PTRH2: variants seen among roughly 807,000 people sequenced by gnomAD.
PTRH2 encodes the protein peptidyl-tRNA hydrolase 2, also known as peptidyl-tRNA hydrolase 2, mitochondrial.
A neutral mutation model predicts 12.3 loss-of-function variants in PTRH2; 10 were observed. That is an observed-to-expected ratio of 0.81 (90% confidence interval 0.50 to 1.38). PTRH2 has a LOEUF of 1.38. PTRH2 is among the 40% of genes most tolerant of loss of function. The pLI is 0.00. For missense variants in PTRH2, 176 were observed against 214.1 expected (o/e 0.82, Z 1.11); for synonymous variants, 73 against 77.4 (o/e 0.94, Z 0.30).
rs2033460989 is a variant in PTRH2 at position 59,697,540 on chromosome 17, C to G, written c.439G>C (p.Gly147Arg). 1 of 1,614,048 alleles carries G rather than the reference C, an allele frequency of 6.2e-7. No homozygotes were observed. The highest frequency in any genetic ancestry group is 8.5e-7 in the Non-Finnish European group (1 of 1,180,040). ...GLTVSLIQDA[G>R]RTQIAPGSQT... ...GAGCCTGGTGCAATCTGAGTACGTC[C>G]AGCATCTTGAATTAAACTTACAGTC... is the stretch of plus-strand genomic sequence containing the variant. The change falls in exon 2 of 2, where the codon GGA (glycine) becomes CGA (arginine). Residue 147 changes from glycine (G) to arginine (R), a missense_variant. Gly to Arg is a moderately radical substitution (Grantham distance 125, BLOSUM62 -2). Transcript: ENST00000393038.
rs748679121 is a variant in PTRH2 at position 59,697,822 on chromosome 17, C to T, written c.157G>A (p.Glu53Lys). The change falls in exon 2 of 2, where the codon GAA becomes AAA. Residue 53 changes from glutamate (E) to lysine (K), a missense_variant. By Grantham distance (56) the Glu-to-Lys change is moderately conservative. Transcript: ENST00000393038. ...SKTSKTHTDT[E>K]SEASILGDSG... is the part of the protein sequence containing the mutation. ...TCTCCCAAGATGCTTGCTTCACTTTCAGTATCTGTGTGTGTCTTGCTCGTC... is the reference window on the plus strand; with the variant it reads ...TCTCCCAAGATGCTTGCTTCACTTTTAGTATCTGTGTGTGTCTTGCTCGTC... 1 of 1,614,188 alleles carries T rather than the reference C, an allele frequency of 6.2e-7. No homozygotes were observed. Among genetic ancestry groups the T allele is most frequent in the Non-Finnish European group, 8.5e-7 (1 of 1,180,036 alleles).
intron 1 of PTRH2, among the ~76,000 whole-genome samples, chr17:59,705,746 CA>C (rs1260452714): frequency 6.6e-6 from 1 of 151,992 alleles, no homozygotes; most frequent in East Asian, 1.9e-4. Context: ...CTCATCTTTA[CA>C]AAAAATTTAA....
At chr17:59,705,504 CA>C (rs1314608381) in intron 1 of PTRH2, among the ~76,000 whole-genome samples, 5 of 152,142 alleles carry the variant, frequency 3.3e-5, no homozygotes, top group African/African-American at 1.2e-4. Flanking sequence ...GCTACAGCCT[CA>C]AACTCCTGGG....
intron 1 of PTRH2, among the ~76,000 whole-genome samples, chr17:59,706,909 G>A (rs2033685578): frequency 6.6e-6 from 1 of 152,026 alleles, no homozygotes. Context: ...CTGACCTCAG[G>A]TGATCCGCCC....
chr17:59,706,798 C>G (rs530246467), intron 1 of PTRH2, among the ~76,000 whole-genome samples: 3 of 151,912 alleles, frequency 2.0e-5, no homozygotes, highest in African/African-American at 4.8e-5. Context: ...CTCAGCCTCC[C>G]GAGTAGCTGG....
At chr17:59,698,421 C>T (rs1236852052) in intron 1 of PTRH2, 1 of 216,818 alleles carries the variant, frequency 4.6e-6, no homozygotes, top group Non-Finnish European at 9.3e-6. Context: ...CTCACTGTCA[C>T]ATTAATGGGC....
intron 1 of PTRH2, among the ~76,000 whole-genome samples, chr17:59,702,847 C>T (rs1274307996): frequency 6.6e-6 from 1 of 152,164 alleles, no homozygotes; most frequent in Non-Finnish European, 1.5e-5. Context: ...TTTTCACCTT[C>T]AGTACAGTAT....
intron 1 of PTRH2, among the ~76,000 whole-genome samples, chr17:59,704,074 C>G (rs1348370577): frequency 6.6e-6 from 1 of 151,998 alleles, no homozygotes; most frequent in African/African-American, 2.4e-5. Context: ...TCCCAAAGTG[C>G]TGGGATTGCA....
intron 1 of PTRH2, chr17:59,699,260 T>C (rs2033512102): frequency 1.0e-5 from 2 of 191,062 alleles, no homozygotes; most frequent in South Asian, 1.1e-4. Flanking sequence ...CTGTGAACTT[T>C]CTAGGTGCCG....
intron 1 of PTRH2, among the ~76,000 whole-genome samples, chr17:59,703,135 C>G (rs2033583101): frequency 6.6e-6 from 1 of 152,080 alleles, no homozygotes; most frequent in African/African-American, 2.4e-5. Context: ...CCACTTCAAC[C>G]TCCCCAGTAG....
At chr17:59,699,967 G>C (rs149068978) in intron 1 of PTRH2, 1 of 152,416 alleles carries the variant, frequency 6.6e-6, no homozygotes, top group East Asian at 1.9e-4. Context: ...TAGAGGATGG[G>C]TTGTTGATTC....
Position 59,697,308 on chromosome 17 carries a change from G to C in PTRH2, c.*131C>G, listed in dbSNP as rs2033454551. The C allele has an allele frequency of 1.8e-6, 2 of 1,116,360 alleles. No individual in the cohort carries two copies. The highest frequency in any genetic ancestry group is 3.2e-5 in the African/African-American group (2 of 63,262). The allele number at this position is 1,116,360 out of a possible 1,614,324, so 69.2% of individuals were successfully genotyped here. ...CCCAAGATGACAACTGCCAACCATAGAACATGGGAATAGGTTTTATTTTCA... is the reference window on the plus strand; with the variant it reads ...CCCAAGATGACAACTGCCAACCATACAACATGGGAATAGGTTTTATTTTCA... On this transcript the variant is annotated 3_prime_UTR_variant, in exon 2 of 2. Transcript: ENST00000393038.
chr17:59,706,642 CTT>C (rs1386106857), intron 1 of PTRH2, among the ~76,000 whole-genome samples: 4 of 149,352 alleles, frequency 2.7e-5, no homozygotes, highest in Non-Finnish European at 4.4e-5. Flanking sequence ...TAGTTAATCT[CTT>C]TGTGTGAAAA....
At chr17:59,705,231 C>T (rs2033618391) in intron 1 of PTRH2, among the ~76,000 whole-genome samples, 1 of 152,212 alleles carries the variant, frequency 6.6e-6, no homozygotes, top group Non-Finnish European at 1.5e-5. Flanking sequence ...ATATCCCATA[C>T]ACTACATTCC....
intron 1 of PTRH2, chr17:59,698,565 T>C (rs1477838375): frequency 3.4e-6 from 1 of 295,216 alleles, no homozygotes; most frequent in Non-Finnish European, 6.3e-6. Context: ...CTCAACATCA[T>C]TTTACTTAAG....
At chr17:59,707,055 G>C (rs1328856082) in intron 1 of PTRH2, 1 of 152,158 alleles carries the variant, frequency 6.6e-6, no homozygotes, top group East Asian at 1.9e-4. Context: ...ATTCATAAGT[G>C]CCCAGCTGAG....
At chr17:59,698,269 G>A in intron 1 of PTRH2, 1 of 398,274 alleles carries the variant, frequency 2.5e-6, no homozygotes, top group Non-Finnish European at 4.5e-6. Context: ...TTAGTCTTGT[G>A]GAGATGTTCC....
chr17:59,703,054 G>T (rs899248254), intron 1 of PTRH2, among the ~76,000 whole-genome samples: 1 of 151,980 alleles, frequency 6.6e-6, no homozygotes, highest in East Asian at 1.9e-4. Context: ...TCACTCTTTT[G>T]TCCAGGCTGG....
intron 1 of PTRH2, chr17:59,700,385 T>C (rs2033533645): frequency 6.6e-6 from 1 of 152,238 alleles, no homozygotes; most frequent in South Asian, 2.1e-4. Context: ...TAAGCATTTA[T>C]AAACATGGGG....
Sources: allele counts gnomAD v4.1 joint callset (sites outside exome capture counted in the v4.1 genomes callset), GRCh38; gene constraint gnomAD v4.1.1; transcripts MANE v1.5; gene names NCBI Gene and HGNC (gene_info 2026-07-23, HGNC 2026-07-21).